Variants in ABCF2 observed in about 807,000 individuals in gnomAD.
The protein encoded by ABCF2 is ATP-binding cassette sub-family F member 2.
ABCF2 carries 37 observed loss-of-function variants against 76.9 expected under a neutral mutation model. That is an observed-to-expected ratio of 0.48 (90% CI 0.37 to 0.63). The LOEUF (loss-of-function observed/expected upper bound fraction) is 0.63, where lower values mean the gene tolerates loss of function less well. Ranked by LOEUF, ABCF2 falls within the 30% of genes least tolerant of loss-of-function variation. The pLI, the probability that ABCF2 is intolerant of heterozygous loss-of-function variation, is 0.00. For synonymous variants in ABCF2, 299 were observed against 283.7 expected (o/e 1.05, Z -0.54); for missense variants, 524 against 782.1 (o/e 0.67, Z 3.94).
chr7:151,218,875 T>C lies in ABCF2; in HGVS notation c.1018-2A>G. The C allele has an allele frequency of 1.2e-6, 2 of 1,613,438 alleles. No homozygotes were observed. The highest frequency in any genetic ancestry group is 1.7e-6 in the Non-Finnish European group (2 of 1,180,002). ...ATGACCAAACCTCGCAATGTAGTTC[T>C]AAAAAAGACCAAAGAGAGCTTGGAG... is the stretch of plus-strand genomic sequence containing the variant. On this transcript the variant is annotated splice_acceptor_variant, in intron 8 of 14. Transcript: ENST00000287844. LOFTEE classifies it high-confidence loss of function.
chr7:151,223,609 A>G, intron 5 of ABCF2, 69 bp downstream of exon 5: 1 of 1,496,072 alleles, frequency 6.7e-7, no homozygotes, highest in Non-Finnish European at 9.0e-7. Flanking sequence ...AAACAGTTCC[A>G]CTGGAGTGAA....
rs759705245 is a variant in ABCF2 at position 151,214,858 on chromosome 7, AC to A, written c.1734+20del. 6.2e-7 allele frequency: 1 copy of A among 1,613,216 alleles called. No individual in the cohort carries two copies. Among genetic ancestry groups the A allele is most frequent in the South Asian group, 1.1e-5 (1 of 91,042 alleles). ...CCCCCTAGAAGCTCTGCTGTGCCTC[AC>A]CCCCTGGCCAGGGCCTCACCTGCTG... is the stretch of plus-strand genomic sequence containing the variant. On this transcript the variant is annotated intron_variant, in intron 14 of 14. Transcript: ENST00000287844. This position sits in a 1 kb window ranked among gnomAD's most constrained non-coding sequence, Gnocchi z 4.9.
Position 151,224,774 on chromosome 7 carries a change from A to C in ABCF2, c.367+2T>G, listed in dbSNP as rs1203567543. On this transcript the variant is annotated splice_donor_variant, in intron 3 of 14. Coordinates refer to ENST00000287844, the MANE Select transcript of ABCF2 (RefSeq NM_007189.3). LOFTEE classifies it high-confidence loss of function. The stretch of plus-strand genomic sequence containing the variant: ...CTCCCACCTCCCCTTCCAAGGCCTC[A>C]CCAATTCCATTTAAACCAATGAGGC... The C allele has an allele frequency of 6.2e-7, 1 of 1,613,950 alleles. No homozygotes were observed. Among genetic ancestry groups the C allele is most frequent in the African/African-American group, 1.3e-5 (1 of 75,020 alleles).
At chr7:151,223,580 T>TACC (rs1221182058) in intron 5 of ABCF2, 98 bp downstream of exon 5, 3 of 1,371,246 alleles carry the variant, frequency 2.2e-6, no homozygotes, top group Non-Finnish European at 3.0e-6. Context: ...ATTTGACACT[T>TACC]ACCACTGACT....
intron 10 of ABCF2, 105 bp from the exon 11 acceptor site, chr7:151,218,296 G>A: frequency 1.2e-6 from 1 of 850,674 alleles, no homozygotes; most frequent in Non-Finnish European, 1.9e-6. Flanking sequence ...GAGGAGGAAG[G>A]GAGAGTAGCG....
rs1042118052 is a variant in ABCF2, at chr7:151,214,408, AT to A, written c.1735-218del. Among the ~76,000 whole-genome samples the A allele has an allele frequency of 6.6e-6, 1 of 152,050 alleles. No homozygotes were observed. The highest frequency in any genetic ancestry group is 2.4e-5 in the African/African-American group (1 of 41,390). ...AGCCAGGAACTGCTGTGTCACTCCT[AT>A]TGTCAGCTCCCTGGCAGGGCCTAGA... On this transcript the variant is annotated intron_variant, in intron 14 of 14. Coordinates refer to ENST00000287844, the MANE Select transcript of ABCF2 (RefSeq NM_007189.3). The surrounding 1 kb of genome is among the most constrained non-coding windows in gnomAD (Gnocchi z 4.9).
chr7:151,222,764 A>G, intron 5 of ABCF2, 148 bp from the exon 6 acceptor site: 1 of 590,744 alleles, frequency 1.7e-6, no homozygotes, highest in Non-Finnish European at 3.0e-6. Context: ...TCAGAGGGAA[A>G]AGGAGAAGCA....
chr7:151,211,768 G>A lies in ABCF2; in HGVS notation c.*2286C>T. The A allele has an allele frequency of 1.2e-5, 12 of 985,398 alleles. No homozygotes were observed. Among genetic ancestry groups the A allele is most frequent in the Non-Finnish European group, 1.4e-5 (12 of 829,930 alleles). 61.0% of individuals were successfully genotyped at this position (985,398 alleles called of 1,614,324 possible). ...CCTGAACCAAGGCTCTGGACTCTCA[G>A]GACAGACTAACCTGGGCCATTTTGC... On this transcript the variant is annotated 3_prime_UTR_variant, in exon 15 of 15. Transcript: ENST00000287844.
At chr7:151,218,521 A>G in intron 10 of ABCF2, 40 bp downstream of exon 10, 1 of 1,559,950 alleles carries the variant, frequency 6.4e-7, no homozygotes. Flanking sequence ...CACTCACCCT[A>G]AGATACACCC....
chr7:151,221,567 G>C lies in ABCF2; in HGVS notation c.921+11C>G. 1 of 1,500,294 alleles carries C rather than the reference G, an allele frequency of 6.7e-7. No homozygotes were observed. The highest frequency in any genetic ancestry group is 1.1e-5 in the South Asian group (1 of 88,506). 92.9% of individuals were successfully genotyped at this position (1,500,294 alleles called of 1,614,324 possible). A position where few individuals can be genotyped will look rare whatever the true frequency, so the allele number is the denominator to read the frequency against. On this transcript the variant is annotated intron_variant, in intron 7 of 14. Transcript: ENST00000287844. ...CACAGAGATTACCAGAAGAAGCCGA[G>C]GCCCACTCACCGTATAATACTTCAG...
At chr7:151,226,043 C>T (rs1802365451) in intron 2 of ABCF2, among the ~76,000 whole-genome samples, 1 of 152,162 alleles carries the variant, frequency 6.6e-6, no homozygotes, top group African/African-American at 2.4e-5. Flanking sequence ...AACTGATCCC[C>T]TCCTCACAAT....
intron 5 of ABCF2, among the ~76,000 whole-genome samples, chr7:151,223,162 A>T (rs1162880913): frequency 6.6e-6 from 1 of 152,186 alleles, no homozygotes; most frequent in Non-Finnish European, 1.5e-5. Flanking sequence ...CTAGAGAAGT[A>T]TATCAAGTCT....
At chr7:151,218,340 C>A in intron 10 of ABCF2, 149 bp from the exon 11 acceptor site, 2 of 698,072 alleles carry the variant, frequency 2.9e-6, no homozygotes, top group Non-Finnish European at 4.8e-6. Context: ...CCGCCTCGCC[C>A]ACTGCCTCCG....
At chr7:151,225,368 G>A (rs759190788) in intron 2 of ABCF2, among the ~76,000 whole-genome samples, 4 of 152,016 alleles carry the variant, frequency 2.6e-5, no homozygotes, top group Non-Finnish European at 4.4e-5. Context: ...TACCTGAGAA[G>A]CAAGTCATAA....
At chr7:151,218,046 T>C (rs1465291378) in intron 11 of ABCF2, 35 bp downstream of exon 11, 1 of 1,487,420 alleles carries the variant, frequency 6.7e-7, no homozygotes, top group Non-Finnish European at 9.4e-7. Context: ...CAAGGCCTAA[T>C]CTTAGAGGGA....
rs778593929 is a variant in ABCF2, at chr7:151,218,830, C to T, written c.1061G>A (p.Arg354Gln). The change falls in exon 9 of 15, where the codon CGG (arginine) becomes CAG (glutamine). Residue 354 changes from arginine (R) to glutamine (Q), a missense_variant. By Grantham distance (43) the Arg-to-Gln change is conservative (BLOSUM62 1). This residue lies in a region of ABCF2 where 194 missense variants were observed against 348.6 expected (regional missense o/e 0.56). Transcript: ENST00000287844. ...RFGHGSAKLA[R>Q]QAQSKEKTLQ... is the part of the protein sequence containing the mutation. ...CGTCTTCTCCTTGCTCTGGGCCTGC[C>T]GGGCCAGCTTGGCACTGCCATGACC... 20 of 1,613,670 alleles carry T rather than the reference C, an allele frequency of 1.2e-5. No individual in the cohort carries two copies. The highest frequency in any genetic ancestry group is 2.2e-5 in the South Asian group (2 of 91,054).
chr7:151,225,231 A>G (rs548624485), intron 2 of ABCF2, among the ~76,000 whole-genome samples: 22 of 152,350 alleles, frequency 1.4e-4, no homozygotes, highest in African/African-American at 5.1e-4. Context: ...GGCCAGGAAT[A>G]AAACTTCCCC....
intron 7 of ABCF2, among the ~76,000 whole-genome samples, chr7:151,220,266 G>C (rs1802239772): frequency 1.3e-5 from 2 of 151,750 alleles, no homozygotes; most frequent in Admixed American, 1.3e-4. Flanking sequence ...GCATGCGCCT[G>C]TAGTCCCAGC....
Position 151,223,738 on chromosome 7 carries a change from A to C in ABCF2, c.662T>G (p.Met221Arg). The C allele has an allele frequency of 6.2e-7, 1 of 1,613,186 alleles. No individual in the cohort carries two copies. The highest frequency in any genetic ancestry group is 8.5e-7 in the Non-Finnish European group (1 of 1,179,384). Residue 221 changes from methionine to arginine, a missense_variant, in exon 5 of 15, where the codon ATG becomes AGG. Met to Arg is a moderately conservative substitution (Grantham distance 91). Transcript: ENST00000287844. Reference sequence around the variant, plus strand: ...GAAGTCTTTTAGCTTCTTGCGCTGCATGGCAGGTGTGAAACCCAGTCCATG... The same window carrying C: ...GAAGTCTTTTAGCTTCTTGCGCTGCCTGGCAGGTGTGAAACCCAGTCCATG... The part of the protein sequence containing the change: ...ILHGLGFTPA[M>R]QRKKLKDFSG...
Sources: gnomAD v4.1 joint callset for allele counts (sites outside exome capture counted in the v4.1 genomes callset) on GRCh38, gnomAD v4.1.1 for gene constraint, gnomAD v4.1.1 regional missense constraint, Gnocchi (gnomAD v3.1) non-coding constraint, MANE v1.5 for transcripts, NCBI Gene and HGNC (gene_info 2026-07-23, HGNC 2026-07-21) for gene names.